Variants in EMP3 observed in about 807,000 individuals in gnomAD.
EMP3 encodes the protein epithelial membrane protein 3.
A neutral mutation model predicts 21.6 loss-of-function variants in EMP3; 15 were observed. The ratio of observed to expected loss-of-function variants is 0.69; its 90% confidence interval spans 0.46 to 1.07. The LOEUF is 1.07. Among genes scored for constraint, EMP3 ranks in the 50% least tolerant of loss-of-function variants. The pLI is 0.00. For missense variants in EMP3, 183 were observed against 206.6 expected, an observed-to-expected ratio of 0.89 and a Z score of 0.70; for synonymous variants, 107 against 86.1, an observed-to-expected ratio of 1.24 and a Z score of -1.34.
chr19:48,330,191 A>G (rs1969183052), intron 4 of EMP3, 110 bp from the exon 5 acceptor site: 2 of 1,414,502 alleles, frequency 1.4e-6, no homozygotes, highest in Non-Finnish European at 1.9e-6. Flanking sequence ...AACTCCCAGC[A>G]GGCAGCGGCG....
chr19:48,329,418 T>C lies in EMP3; in HGVS notation c.248T>C (p.Leu83Pro). The C allele has an allele frequency of 6.2e-7, 1 of 1,613,298 alleles. No homozygotes were observed. ...ATTCTCTGCTGTCTCTCCTTCATCC[T>C]GTTCATGTTCCAGCTCTACACCATG... is the stretch of plus-strand genomic sequence containing the variant. The part of the protein sequence containing the change: ...SLILCCLSFI[L>P]FMFQLYTMRR... The change falls in exon 4 of 5, where the codon CTG (leucine) becomes CCG (proline). Residue 83 changes from leucine to proline, a missense_variant. Physicochemically the swap from Leu to Pro is moderately conservative, Grantham distance 98. Coordinates refer to ENST00000270221, the MANE Select transcript of EMP3 (RefSeq NM_001425.3). This position sits in a 1 kb window ranked among gnomAD's most constrained non-coding sequence, Gnocchi z 4.5.
In EMP3 at chr19:48,329,614, C is replaced by A; in HGVS notation, c.322+122C>A. 1 of 1,296,556 alleles carries A rather than the reference C, an allele frequency of 7.7e-7. No homozygotes were observed. Among genetic ancestry groups the A allele is most frequent in the Non-Finnish European group, 1.0e-6 (1 of 953,830 alleles). The allele number at this position is 1,296,556 out of a possible 1,614,324, so 80.3% of individuals were successfully genotyped here. On this transcript the variant is annotated intron_variant, in intron 4 of 4. Transcript: ENST00000270221. This position sits in a 1 kb window ranked among gnomAD's most constrained non-coding sequence, Gnocchi z 4.5. ...GTAGAAAAAAACAACTTTCAACACCCCACGAGCCACAAGAGGTGCCTCCGT... is the reference window on the plus strand; with the variant it reads ...GTAGAAAAAAACAACTTTCAACACCACACGAGCCACAAGAGGTGCCTCCGT...
Position 48,329,413 on chromosome 19 carries a change from C to T in EMP3, c.243C>T (p.Phe81=). Residue 81 remains phenylalanine, a synonymous_variant, in exon 4 of 5, where the codon TTC becomes TTT. Coordinates refer to ENST00000270221, the MANE Select transcript of EMP3 (RefSeq NM_001425.3). This position sits in a 1 kb window ranked among gnomAD's most constrained non-coding sequence, Gnocchi z 4.5. ...CCCTCATTCTCTGCTGTCTCTCCTTCATCCTGTTCATGTTCCAGCTCTACA... is the reference window on the plus strand; with the variant it reads ...CCCTCATTCTCTGCTGTCTCTCCTTTATCCTGTTCATGTTCCAGCTCTACA... The part of the protein sequence containing the change: ...VLSLILCCLS[F]ILFMFQLYTM... The T allele has an allele frequency of 6.2e-7, 1 of 1,612,892 alleles. No individual in the cohort carries two copies.
At position 48,330,382 on chromosome 19, in the gene EMP3, T is replaced by G; in HGVS notation, c.404T>G (p.Phe135Cys). 2 of 1,607,936 alleles carry G rather than the reference T, an allele frequency of 1.2e-6. No individual in the cohort carries two copies. The highest frequency in any genetic ancestry group is 2.2e-5 in the South Asian group (2 of 90,554). Reference protein sequence around the residue: ...ILEKHPRGGSFGYCFALAWVA... With the variant: ...ILEKHPRGGSCGYCFALAWVA... ...GAGAAGCACCCGCGAGGGGGCAGCT[T>G]CGGATACTGCTTCGCCCTGGCCTGG... The change falls in exon 5 of 5, where the codon TTC (phenylalanine) becomes TGC (cysteine). Residue 135 changes from phenylalanine (F) to cysteine (C), a missense_variant. Coordinates refer to ENST00000270221, the MANE Select transcript of EMP3 (RefSeq NM_001425.3).
chr19:48,329,769 T>C lies in EMP3; in HGVS notation c.322+277T>C, dbSNP rs1969178293. Reference sequence around the variant, plus strand: ...GGAGCCGGGGCTGGGGAAGGAGGTATAGGTAAATAGTTTTGGTCCCAGGGA... The same window carrying C: ...GGAGCCGGGGCTGGGGAAGGAGGTACAGGTAAATAGTTTTGGTCCCAGGGA... On this transcript the variant is annotated intron_variant, in intron 4 of 4. Coordinates refer to ENST00000270221, the MANE Select transcript of EMP3 (RefSeq NM_001425.3). This position sits in a 1 kb window ranked among gnomAD's most constrained non-coding sequence, Gnocchi z 4.5. Among the ~76,000 whole-genome samples the C allele has an allele frequency of 6.6e-6, 1 of 152,070 alleles. No individual in the cohort carries two copies. The highest frequency in any genetic ancestry group is 2.4e-5 in the African/African-American group (1 of 41,392).
At position 48,329,445 on chromosome 19, in the gene EMP3, G is replaced by T; in HGVS notation, c.275G>T (p.Arg92Leu). 6.2e-7 allele frequency: 1 copy of T among 1,614,080 alleles called. No individual in the cohort carries two copies. The highest frequency in any genetic ancestry group is 1.3e-5 in the African/African-American group (1 of 75,000). ...TTCATGTTCCAGCTCTACACCATGCGACGAGGAGGTCTCTTCTATGCCACC... is the reference window on the plus strand; with the variant it reads ...TTCATGTTCCAGCTCTACACCATGCTACGAGGAGGTCTCTTCTATGCCACC... ...ILFMFQLYTM[R>L]RGGLFYATGL... Residue 92 changes from arginine (R) to leucine (L), a missense_variant, in exon 4 of 5, where the codon CGA becomes CTA. Coordinates refer to ENST00000270221, the MANE Select transcript of EMP3 (RefSeq NM_001425.3). This position sits in a 1 kb window ranked among gnomAD's most constrained non-coding sequence, Gnocchi z 4.5.
At chr19:48,327,462 G>T in intron 2 of EMP3, 59 bp from the exon 3 acceptor site, 1 of 1,306,356 alleles carries the variant, frequency 7.7e-7, no homozygotes, top group South Asian at 1.2e-5. Context: ...CAGTCTGCCT[G>T]ACCCTATCCC....
At chr19:48,327,470 C>T in intron 2 of EMP3, 51 bp from the exon 3 acceptor site, 1 of 1,388,610 alleles carries the variant, frequency 7.2e-7, no homozygotes, top group Non-Finnish European at 1.0e-6. Context: ...CTGACCCTAT[C>T]CCCTCTCCTT....
At position 48,330,371 on chromosome 19, in the gene EMP3, A is replaced by G. The variant is rs1969187797; in HGVS notation, c.393A>G (p.Arg131=). ...HAEEILEKHP[R]GGSFGYCFAL... is the part of the protein sequence containing the mutation. ...AGGAGATCCTGGAGAAGCACCCGCG[A>G]GGGGGCAGCTTCGGATACTGCTTCG... Residue 131 remains arginine (R), a synonymous_variant, in exon 5 of 5, where the codon CGA becomes CGG. Transcript: ENST00000270221. 2.5e-6 allele frequency: 4 copies of G among 1,607,892 alleles called. No homozygotes were observed. The highest frequency in any genetic ancestry group is 8.5e-7 in the Non-Finnish European group (1 of 1,177,328).
In EMP3 at chr19:48,329,454, G is replaced by T; in HGVS notation, c.284G>T (p.Gly95Val). Residue 95 changes from glycine (G) to valine (V), a missense_variant, in exon 4 of 5, where the codon GGT becomes GTT. Transcript: ENST00000270221. This position sits in a 1 kb window ranked among gnomAD's most constrained non-coding sequence, Gnocchi z 4.5. ...MFQLYTMRRG[G>V]LFYATGLCQL... is the part of the protein sequence containing the mutation. ...CAGCTCTACACCATGCGACGAGGAGGTCTCTTCTATGCCACCGGCCTCTGC... is the reference window on the plus strand; with the variant it reads ...CAGCTCTACACCATGCGACGAGGAGTTCTCTTCTATGCCACCGGCCTCTGC... 1 of 1,614,120 alleles carries T rather than the reference G, an allele frequency of 6.2e-7. No individual in the cohort carries two copies. Among genetic ancestry groups the T allele is most frequent in the Non-Finnish European group, 8.5e-7 (1 of 1,180,012 alleles).
Position 48,330,281 on chromosome 19 carries a change from G to T in EMP3, c.323-20G>T. On this transcript the variant is annotated intron_variant, in intron 4 of 4. Coordinates refer to ENST00000270221, the MANE Select transcript of EMP3 (RefSeq NM_001425.3). ...GTCTTGAGGGGGCACTGCATGACGTGTGGTTTTCATCTTCCGCAGGCGTGG... is the reference window on the plus strand; with the variant it reads ...GTCTTGAGGGGGCACTGCATGACGTTTGGTTTTCATCTTCCGCAGGCGTGG... 6.4e-7 allele frequency: 1 copy of T among 1,566,536 alleles called. No homozygotes were observed.
In EMP3 at chr19:48,328,418, A is replaced by AG. The variant is rs1287476318; in HGVS notation, c.181+795_181+796insG. On this transcript the variant is annotated intron_variant, in intron 3 of 4. Transcript: ENST00000270221. ...CAGAGCAAGATTCTGTCTCAAAAAA[A>AG]AAAAAAAAAAAAAAGAATAGAGAAA... Among the ~76,000 whole-genome samples the AG allele has an allele frequency of 4.6e-5, 7 of 151,258 alleles. No individual in the cohort carries two copies. In the East Asian group the frequency reaches 1.4e-3, roughly 29 times the overall value.
intron 2 of EMP3, 47 bp from the exon 3 acceptor site, chr19:48,327,474 T>C (rs773831068): frequency 1.4e-6 from 2 of 1,450,504 alleles, no homozygotes; most frequent in Non-Finnish European, 1.9e-6. Context: ...CCCTATCCCC[T>C]CTCCTTTCCT....
intron 3 of EMP3, 121 bp downstream of exon 3, chr19:48,327,744 G>A: frequency 1.3e-6 from 1 of 799,708 alleles, no homozygotes; most frequent in Non-Finnish European, 2.1e-6. Flanking sequence ...GTCCAGGCCT[G>A]AGTGGCTGAG....
intron 3 of EMP3, 139 bp downstream of exon 3, chr19:48,327,762 G>A: frequency 2.8e-6 from 2 of 701,914 alleles, no homozygotes; most frequent in African/African-American, 1.8e-5. Flanking sequence ...GAGTGCCTAG[G>A]GCTAATGCAT....
chr19:48,326,787 G>C, intron 1 of EMP3, 43 bp from the exon 2 acceptor site: 2 of 1,559,440 alleles, frequency 1.3e-6, no homozygotes, highest in South Asian at 1.1e-5. Context: ...TGCCTGGCCT[G>C]TGCCAACCTC....
At position 48,329,819 on chromosome 19, in the gene EMP3, CTAAT is replaced by C. The variant is rs1347306998; in HGVS notation, c.322+330_322+333del. ...ATCGGCCGTGACGTGGGGGGATAAACTAATTAGTACCTCAGTAGAGAGCTCTAAA... is the reference window on the plus strand; with the variant it reads ...ATCGGCCGTGACGTGGGGGGATAAACTAGTACCTCAGTAGAGAGCTCTAAA... On this transcript the variant is annotated intron_variant, in intron 4 of 4. Coordinates refer to ENST00000270221, the MANE Select transcript of EMP3 (RefSeq NM_001425.3). This position sits in a 1 kb window ranked among gnomAD's most constrained non-coding sequence, Gnocchi z 4.5. Among the ~76,000 whole-genome samples, 1 of 152,122 alleles carries C rather than the reference CTAAT, an allele frequency of 6.6e-6. No individual in the cohort carries two copies. The highest frequency in any genetic ancestry group is 2.4e-5 in the African/African-American group (1 of 41,396).
chr19:48,330,213 C>A, intron 4 of EMP3, 88 bp from the exon 5 acceptor site: 2 of 1,457,462 alleles, frequency 1.4e-6, no homozygotes, highest in Non-Finnish European at 9.0e-7. Flanking sequence ...TGCCCACGGG[C>A]CCTCCGGCGC....
rs1282707292 is a variant in EMP3, at chr19:48,330,505, C to G, written c.*35C>G. The G allele has an allele frequency of 1.3e-6, 2 of 1,530,374 alleles. No individual in the cohort carries two copies. The highest frequency in any genetic ancestry group is 1.7e-6 in the Non-Finnish European group (2 of 1,145,272). 94.8% of individuals were successfully genotyped at this position (1,530,374 alleles called of 1,614,324 possible). A position where few individuals can be genotyped will look rare whatever the true frequency, so the allele number is the denominator to read the frequency against. On this transcript the variant is annotated 3_prime_UTR_variant, in exon 5 of 5. Transcript: ENST00000270221. The stretch of plus-strand genomic sequence containing the variant: ...CTCGCTCGGCTGCCCCCGCCCCTTC[C>G]CGGCCCCCCTCGCCGCGCGTCCTCC...
Sources: allele counts gnomAD v4.1 joint callset (sites outside exome capture counted in the v4.1 genomes callset), GRCh38; gene constraint gnomAD v4.1.1; non-coding constraint Gnocchi (gnomAD v3.1); transcripts MANE v1.5; gene names NCBI Gene and HGNC (gene_info 2026-07-23, HGNC 2026-07-21).